The following GNB1 variants were observed in gnomAD, a reference collection of about 807,000 sequenced individuals.
The protein encoded by GNB1 is guanine nucleotide-binding protein G(I)/G(S)/G(T) subunit beta-1.
Under a neutral mutation model 42.9 loss-of-function variants are expected in GNB1, and 2 were observed. That is an observed-to-expected ratio of 0.05 (90% CI 0.02 to 0.15). GNB1 has a LOEUF of 0.15. Among genes scored for constraint, GNB1 ranks in the 10% least tolerant of loss-of-function variants. The pLI is 1.00. For synonymous variants in GNB1, 183 were observed against 174.7 expected, an observed-to-expected ratio of 1.05 and a Z score of -0.38; for missense variants, 193 against 462.2, an observed-to-expected ratio of 0.42 and a Z score of 5.34.
chr1:1,819,834 T>C (rs1418045738), intron 3 of GNB1, among the ~76,000 whole-genome samples: 2 of 152,126 alleles, frequency 1.3e-5, no homozygotes, highest in Non-Finnish European at 2.9e-5. Flanking sequence ...AGAGTTACCA[T>C]GCCCAGCTGA....
At chr1:1,831,557 T>G (rs771368751) in intron 2 of GNB1, among the ~76,000 whole-genome samples, 220 of 152,074 alleles carry the variant, frequency 1.4e-3, no homozygotes, top group Non-Finnish European at 2.7e-3. Flanking sequence ...CAAGCGATTC[T>G]CCTTCCTCAG....
At chr1:1,869,262 A>G (rs1272326242) in intron 1 of GNB1, among the ~76,000 whole-genome samples, 7 of 151,556 alleles carry the variant, frequency 4.6e-5, no homozygotes, top group African/African-American at 1.4e-4. Context: ...CAGAGGCTCT[A>G]GTCAGTCCAC....
chr1:1,822,768 T>C (rs1055694682), intron 3 of GNB1, among the ~76,000 whole-genome samples: 1 of 152,174 alleles, frequency 6.6e-6, no homozygotes, highest in Admixed American at 6.6e-5. Context: ...ACAGTTCCTT[T>C]TGGCCTTAAT....
At chr1:1,791,306 G>A (rs987314142) in intron 8 of GNB1, among the ~76,000 whole-genome samples, 19 of 151,964 alleles carry the variant, frequency 1.3e-4, no homozygotes, top group African/African-American at 4.4e-4. Flanking sequence ...CCAGTAGCTG[G>A]GATTACAGGC....
chr1:1,870,735 G>C (rs531890440), intron 1 of GNB1, among the ~76,000 whole-genome samples: 1 of 152,224 alleles, frequency 6.6e-6, no homozygotes, highest in East Asian at 1.9e-4. Context: ...AGGAGTTCAA[G>C]ACCAGCCTGA....
At chr1:1,801,701 A>G (rs1032300526) in intron 7 of GNB1, among the ~76,000 whole-genome samples, 1 of 152,178 alleles carries the variant, frequency 6.6e-6, no homozygotes, top group Non-Finnish European at 1.5e-5. Context: ...GTAATCAAGT[A>G]ACTCAAAGGA....
At chr1:1,807,463 GA>G (rs533616486) in intron 5 of GNB1, among the ~76,000 whole-genome samples, 171 of 25,562 alleles carry the variant, frequency 6.7e-3, no homozygotes, top group East Asian at 0.022. Context: ...GATCCTGACT[GA>G]AAAAAAAAAA....
At chr1:1,859,270 C>T (rs1648475077) in intron 1 of GNB1, among the ~76,000 whole-genome samples, 1 of 152,164 alleles carries the variant, frequency 6.6e-6, no homozygotes, top group African/African-American at 2.4e-5. Context: ...GATCCACCCG[C>T]CTGAGCCTCC....
intron 3 of GNB1, among the ~76,000 whole-genome samples, chr1:1,820,955 A>G (rs1460371916): frequency 6.6e-6 from 1 of 152,250 alleles, no homozygotes; most frequent in Non-Finnish European, 1.5e-5. Context: ...TAACTGCTTA[A>G]CAAAGAAGAA....
chr1:1,860,306 T>C (rs1464119494), intron 1 of GNB1, among the ~76,000 whole-genome samples: 5 of 151,216 alleles, frequency 3.3e-5, no homozygotes, highest in Non-Finnish European at 7.4e-5. Flanking sequence ...GTGGCAAGAG[T>C]TGGAAAACTG....
At chr1:1,864,314 C>CAAAAAAAAAAAAAAAAAAAAA (rs1173466617) in intron 1 of GNB1, among the ~76,000 whole-genome samples, 4 of 37,934 alleles carry the variant, frequency 1.1e-4, no homozygotes, top group East Asian at 1.2e-3. Context: ...AAGACTCTCT[C>CAAAAAAAAAAAAAAAAAAAAA]AAAAAAAAAA....
chr1:1,860,051 TATA>T (rs1289849575), intron 1 of GNB1, among the ~76,000 whole-genome samples: 1 of 151,206 alleles, frequency 6.6e-6, no homozygotes. Flanking sequence ...GAACTTAAAG[TATA>T]ATAAAAAAAA....
intron 1 of GNB1, among the ~76,000 whole-genome samples, chr1:1,842,884 G>T (rs1000671072): frequency 1.3e-5 from 2 of 152,232 alleles, no homozygotes; most frequent in African/African-American, 4.8e-5. Flanking sequence ...GCGAAGCCTC[G>T]CTCCGGGGCA....
intron 1 of GNB1, among the ~76,000 whole-genome samples, chr1:1,860,939 G>A (rs1648590360): frequency 6.6e-6 from 1 of 151,424 alleles, no homozygotes; most frequent in Non-Finnish European, 1.5e-5. Context: ...TAAACTCCAT[G>A]TCTACTAAAA....
At chr1:1,816,741 C>T (rs958374532) in intron 4 of GNB1, among the ~76,000 whole-genome samples, 4 of 150,302 alleles carry the variant, frequency 2.7e-5, no homozygotes, top group African/African-American at 9.8e-5. Flanking sequence ...CTCTGCCTCC[C>T]GGGTCCAAGC....
At chr1:1,816,640 TTA>T (rs1435149410) in intron 4 of GNB1, among the ~76,000 whole-genome samples, 1 of 144,036 alleles carries the variant, frequency 6.9e-6, no homozygotes, top group East Asian at 2.1e-4. Context: ...TTTATTTTTA[TTA>T]TCTTTTTTTT....
chr1:1,847,511 A>C (rs1454760977), intron 1 of GNB1, among the ~76,000 whole-genome samples: 1 of 152,214 alleles, frequency 6.6e-6, no homozygotes. Context: ...TTAGGGGGTC[A>C]TAAGGACCTT....
intron 2 of GNB1, among the ~76,000 whole-genome samples, chr1:1,833,940 C>T (rs1424882314): frequency 6.6e-6 from 1 of 152,162 alleles, no homozygotes; most frequent in African/African-American, 2.4e-5. Flanking sequence ...AATGACCCCA[C>T]AGAGGCAACG....
intron 1 of GNB1, among the ~76,000 whole-genome samples, chr1:1,848,883 G>A (rs980196456): frequency 4.6e-5 from 7 of 152,236 alleles, no homozygotes; most frequent in South Asian, 2.1e-4. Flanking sequence ...CTCCTTCTGG[G>A]TCTTTGTTCC....
Sources: gnomAD v4.1 joint callset for allele counts (sites outside exome capture counted in the v4.1 genomes callset) on GRCh38, gnomAD v4.1.1 for gene constraint, MANE v1.5 for transcripts, NCBI Gene and HGNC (gene_info 2026-07-23, HGNC 2026-07-21) for gene names.